Variants in SIPA1L1 observed in about 807,000 individuals in gnomAD.
SIPA1L1 encodes the protein signal-induced proliferation-associated 1-like protein 1.
SIPA1L1 carries 26 observed loss-of-function variants against 162.7 expected under a neutral mutation model. The observed-to-expected ratio is 0.16, with a 90% confidence interval of 0.12 to 0.22. SIPA1L1 has a LOEUF of 0.22. Among genes scored for constraint, SIPA1L1 ranks in the 10% least tolerant of loss-of-function variants. SIPA1L1 has a pLI of 1.00. For missense variants in SIPA1L1, 1,874 were observed against 2,241.0 expected (o/e 0.84, Z 3.31); for synonymous variants, 829 against 837.4 (o/e 0.99, Z 0.17).
chr14:71,577,484 C>T (rs979578464), intron 4 of SIPA1L1, among the ~76,000 whole-genome samples: 1 of 151,528 alleles, frequency 6.6e-6, no homozygotes, highest in East Asian at 1.9e-4. Context: ...TCAAATGATT[C>T]TCCTGCCTCA....
At chr14:71,650,186 G>T in intron 7 of SIPA1L1, 149 bp from the exon 8 acceptor site, 2 of 797,278 alleles carry the variant, frequency 2.5e-6, no homozygotes, top group Non-Finnish European at 2.1e-6. Context: ...ACTTAATTTT[G>T]GATCAAAGAC....
chr14:71,736,520 A>G (rs867541541), intron 22 of SIPA1L1, among the ~76,000 whole-genome samples: 3 of 152,238 alleles, frequency 2.0e-5, no homozygotes, highest in Admixed American at 2.0e-4. Context: ...GGGGCTTGCC[A>G]TTGAGGACTT....
At chr14:71,364,879 A>C (rs1281432227) in intron 2 of SIPA1L1, among the ~76,000 whole-genome samples, 1 of 149,072 alleles carries the variant, frequency 6.7e-6, no homozygotes, top group Non-Finnish European at 1.5e-5. Flanking sequence ...CCCAGTAGCC[A>C]GGACTACAGG....
At chr14:71,630,183 C>T (rs1174970115) in intron 7 of SIPA1L1, among the ~76,000 whole-genome samples, 1 of 152,186 alleles carries the variant, frequency 6.6e-6, no homozygotes, top group Non-Finnish European at 1.5e-5. Flanking sequence ...CAAATTGATT[C>T]CAGACAACTG....
At position 71,570,127 on chromosome 14, in the gene SIPA1L1, GT is replaced by G. The variant is rs1410748005; in HGVS notation, c.-302-17441del. On this transcript the variant is annotated intron_variant, in intron 4 of 23. Coordinates refer to ENST00000381232, the MANE Select transcript of SIPA1L1 (RefSeq NM_001386936.1). Reference sequence around the variant, plus strand: ...GTCATAGTGTTTTCCCCTCTATCCAGTTTCCCCAGGTAAACCAACTAGATCT... The same window carrying G: ...GTCATAGTGTTTTCCCCTCTATCCAGTTCCCCAGGTAAACCAACTAGATCT... 2.0e-5 allele frequency among the ~76,000 whole-genome samples: 3 copies of G among 152,192 alleles called. No homozygotes were observed. The East Asian group carries it at 5.8e-4, about 29-fold the overall frequency.
At chr14:71,488,807 G>T (rs767165523) in intron 2 of SIPA1L1, among the ~76,000 whole-genome samples, 1 of 152,164 alleles carries the variant, frequency 6.6e-6, no homozygotes, top group African/African-American at 2.4e-5. Flanking sequence ...TGGTATTCAT[G>T]TACTCTGCAC....
chr14:71,341,601 G>A (rs1299873186), intron 2 of SIPA1L1, among the ~76,000 whole-genome samples: 1 of 152,042 alleles, frequency 6.6e-6, no homozygotes, highest in East Asian at 1.9e-4. Context: ...ATCTCGTTAT[G>A]CAGGTACTGA....
At chr14:71,505,257 T>C (rs2050564791) in intron 2 of SIPA1L1, among the ~76,000 whole-genome samples, 1 of 152,148 alleles carries the variant, frequency 6.6e-6, no homozygotes, top group African/African-American at 2.4e-5. Flanking sequence ...AATAAGCAGT[T>C]CTCTGTGTAA....
chr14:71,589,651 C>T (rs545961711), intron 5 of SIPA1L1, among the ~76,000 whole-genome samples: 1 of 152,184 alleles, frequency 6.6e-6, no homozygotes, highest in African/African-American at 2.4e-5. Flanking sequence ...CTTTGTTGTA[C>T]AGTAGATTTG....
intron 2 of SIPA1L1, among the ~76,000 whole-genome samples, chr14:71,337,467 G>T (rs542905788): frequency 6.6e-6 from 1 of 152,238 alleles, no homozygotes; most frequent in South Asian, 2.1e-4. Context: ...CACAATCATG[G>T]CAGAAGGCAG....
chr14:71,406,122 T>A (rs1372814154), intron 2 of SIPA1L1, among the ~76,000 whole-genome samples: 1 of 152,092 alleles, frequency 6.6e-6, no homozygotes, highest in African/African-American at 2.4e-5. Context: ...GAGGTAGAAT[T>A]TATAGATCTT....
chr14:71,598,352 G>A (rs919257038), intron 5 of SIPA1L1: 1 of 360,510 alleles, frequency 2.8e-6, no homozygotes, highest in South Asian at 1.1e-4. Flanking sequence ...TAAGACATTC[G>A]TAAACTACAG....
Position 71,489,707 on chromosome 14 carries a change from AAAAAAAAG to A in SIPA1L1, c.-464-23022_-464-23015del, listed in dbSNP as rs1367504713. Among the ~76,000 whole-genome samples, 7 of 152,158 alleles carry A rather than the reference AAAAAAAAG, an allele frequency of 4.6e-5. No homozygotes were observed. In the South Asian group the frequency reaches 1.2e-3, roughly 27 times the overall value. On this transcript the variant is annotated intron_variant, in intron 2 of 23. Transcript: ENST00000381232. ...TAATGATAGCTGATTAGCTTAAAAA[AAAAAAAAG>A]AAAAAAAGAAAAATTGCCAAAAAAT...
At chr14:71,531,487 A>G (rs570514237) in intron 4 of SIPA1L1, among the ~76,000 whole-genome samples, 4 of 152,078 alleles carry the variant, frequency 2.6e-5, no homozygotes. Flanking sequence ...TTGTGACCCA[A>G]TATTGGGTCT....
intron 2 of SIPA1L1, among the ~76,000 whole-genome samples, chr14:71,376,874 TC>T (rs1223084546): frequency 3.9e-5 from 6 of 152,294 alleles, no homozygotes; most frequent in African/African-American, 1.4e-4. Flanking sequence ...ATTAACAGCA[TC>T]CCAAGGCAGA....
At chr14:71,562,568 C>T (rs1052137516) in intron 4 of SIPA1L1, among the ~76,000 whole-genome samples, 2 of 152,156 alleles carry the variant, frequency 1.3e-5, no homozygotes, top group African/African-American at 2.4e-5. Flanking sequence ...ATAGCTTTTT[C>T]AGTAACTTGC....
intron 5 of SIPA1L1, among the ~76,000 whole-genome samples, chr14:71,594,951 G>A (rs943817036): frequency 1.1e-4 from 16 of 152,106 alleles, no homozygotes; most frequent in African/African-American, 3.9e-4. Context: ...GTGGTTTTGT[G>A]TGTTTGCTCT....
intron 15 of SIPA1L1, among the ~76,000 whole-genome samples, chr14:71,704,517 A>G (rs1041260723): frequency 2.6e-5 from 4 of 152,190 alleles, no homozygotes; most frequent in African/African-American, 9.7e-5. Flanking sequence ...GTCAGAGTCA[A>G]GGAGTATTTT....
intron 2 of SIPA1L1, among the ~76,000 whole-genome samples, chr14:71,331,753 T>A (rs2034569147): frequency 6.6e-6 from 1 of 152,220 alleles, no homozygotes; most frequent in Admixed American, 6.5e-5. Flanking sequence ...AGTTTCAGAT[T>A]TCCTGTATCT....
Sources: allele counts gnomAD v4.1 joint callset (sites outside exome capture counted in the v4.1 genomes callset), GRCh38; gene constraint gnomAD v4.1.1; transcripts MANE v1.5; gene names NCBI Gene and HGNC (gene_info 2026-07-23, HGNC 2026-07-21).